PRH1: variants seen among roughly 807,000 people sequenced by gnomAD.
The protein encoded by PRH1 is proline rich protein HaeIII subfamily 1.
PRH1 carries 7 observed loss-of-function variants against 7.9 expected under a neutral mutation model. That is an observed-to-expected ratio of 0.89 (90% CI 0.50 to 1.67). PRH1 has a LOEUF of 1.67. PRH1 is among the 40% of genes most tolerant of loss of function. The probability of loss-of-function intolerance (pLI) is 0.00; values close to 1 mark genes in which losing one functional copy is unlikely to be tolerated. For missense variants in PRH1, 109 were observed against 223.6 expected, an observed-to-expected ratio of 0.49 and a Z score of 3.27; for synonymous variants, 45 against 80.8, an observed-to-expected ratio of 0.56 and a Z score of 2.38.
At chr12:10,988,154 C>A (rs1177397926) in intron 1 of PRH1, among the ~76,000 whole-genome samples, 1 of 152,066 alleles carries the variant, frequency 6.6e-6, no homozygotes, top group Non-Finnish European at 1.5e-5. Context: ...TCTCAAGTCA[C>A]CAGAGCTATC....
chr12:11,033,570 G>T lies in PRH1; in HGVS notation c.-126+13450C>A, dbSNP rs531334949. 2.9e-4 allele frequency among the ~76,000 whole-genome samples: 44 copies of T among 152,204 alleles called. 1 individual carries two copies. In the South Asian group the frequency reaches 8.9e-3, roughly 31 times the overall value. On this transcript the variant is annotated intron_variant, in intron 1 of 3. Coordinates refer to the PRH1 transcript ENST00000539853. Reference sequence around the variant, plus strand: ...TCAGGAGCCGAAAGAAAAAATAGATGGGGAATGGCAAAGGTTTGTCCTGTG... The same window carrying T: ...TCAGGAGCCGAAAGAAAAAATAGATTGGGAATGGCAAAGGTTTGTCCTGTG...
At chr12:11,052,536 T>C (rs1411339220) in intron 1 of PRH1, among the ~76,000 whole-genome samples, 1 of 151,856 alleles carries the variant, frequency 6.6e-6, no homozygotes, top group Non-Finnish European at 1.5e-5. Context: ...AGATATATGC[T>C]GGGATACATT....
At chr12:10,916,897 A>G (rs976024362) in intron 2 of PRH1, among the ~76,000 whole-genome samples, 10 of 147,072 alleles carry the variant, frequency 6.8e-5, no homozygotes, top group Non-Finnish European at 9.1e-5. Flanking sequence ...AATAAGATAA[A>G]ATAAAATAAA....
intron 1 of PRH1, among the ~76,000 whole-genome samples, chr12:11,100,352 C>A (rs1054558807): frequency 9.2e-5 from 14 of 152,104 alleles, no homozygotes; most frequent in African/African-American, 3.4e-4. Flanking sequence ...AAACCAAGGT[C>A]TAGGCATCCT....
intron 1 of PRH1, among the ~76,000 whole-genome samples, chr12:11,066,130 T>TG (rs11410593): frequency 6.6e-6 from 1 of 152,030 alleles, no homozygotes; most frequent in Non-Finnish European, 1.5e-5. Flanking sequence ...TGAAGAACTT[T>TG]AAGTCTCATG....
At chr12:10,950,616 C>G (rs761885392) in intron 2 of PRH1, among the ~76,000 whole-genome samples, 1 of 151,422 alleles carries the variant, frequency 6.6e-6, no homozygotes, top group Non-Finnish European at 1.5e-5. Flanking sequence ...GTTTCAAATT[C>G]TCTTTTGTTA....
chr12:10,912,465 G>A (rs1275062298), intron 2 of PRH1, among the ~76,000 whole-genome samples: 1 of 151,454 alleles, frequency 6.6e-6, no homozygotes, highest in Non-Finnish European at 1.5e-5. Flanking sequence ...CATATTATTT[G>A]CTTTTCTTTT....
At position 11,078,162 on chromosome 12, in the gene PRH1, T is replaced by A. The variant is rs1235278685; in HGVS notation, n.124-30974A>T. The A allele has an allele frequency of 3.9e-5, 21 of 544,332 alleles. 2 individuals are homozygous for A. Among genetic ancestry groups the A allele is most frequent in the Admixed American group, 1.6e-4 (6 of 37,850 alleles). The allele number at this position is 544,332 out of a possible 1,614,324, so 33.7% of individuals were successfully genotyped here. Reference sequence around the variant, plus strand: ...CCCAGTCAATGACATTTACTAGAGCTATGAAGCCATTGGAAAAATTTCCAA... The same window carrying A: ...CCCAGTCAATGACATTTACTAGAGCAATGAAGCCATTGGAAAAATTTCCAA... On this transcript the variant is annotated intron_variant and non_coding_transcript_variant, in intron 1 of 4. Transcript: ENST00000541977.
rs117545707 is a variant in PRH1 at position 11,137,599 on chromosome 12, T to C, written n.40-16419A>G. Among the ~76,000 whole-genome samples, 511 of 152,322 alleles carry C rather than the reference T, an allele frequency of 3.4e-3. 4 individuals carry two copies. The highest frequency in any genetic ancestry group is 5.7e-3 in the Non-Finnish European group (386 of 68,010). On this transcript the variant is annotated intron_variant and non_coding_transcript_variant, in intron 1 of 1. Transcript: ENST00000541175. Reference sequence around the variant, plus strand: ...TCCATTAAAATCTAAATTGTTTCCATAGTGATCATAGTGAAAAGAGGATTA... The same window carrying C: ...TCCATTAAAATCTAAATTGTTTCCACAGTGATCATAGTGAAAAGAGGATTA...
upstream of PRH1, among the ~76,000 whole-genome samples, chr12:10,886,857 A>G (rs1304367861): frequency 6.6e-6 from 1 of 152,128 alleles, no homozygotes; most frequent in Non-Finnish European, 1.5e-5. Flanking sequence ...AAATATGACC[A>G]CTTGCCTGAT....
At chr12:10,896,776 A>AAAAG (rs1491164999) in intron 2 of PRH1, 1 of 149,928 alleles carries the variant, frequency 6.7e-6, no homozygotes, top group Non-Finnish European at 1.5e-5. Context: ...AAAAAAAAAA[A>AAAAG]GAGAGAGAGA....
At chr12:11,064,634 G>A (rs1943737743) in intron 1 of PRH1, among the ~76,000 whole-genome samples, 1 of 151,964 alleles carries the variant, frequency 6.6e-6, no homozygotes, top group African/African-American at 2.4e-5. Context: ...TTTGCCATTT[G>A]CATGTATCTT....
At chr12:11,132,001 T>C (rs565979062) in intron 1 of PRH1, among the ~76,000 whole-genome samples, 4 of 152,334 alleles carry the variant, frequency 2.6e-5, no homozygotes, top group South Asian at 2.1e-4. Context: ...GGTTCTTACA[T>C]TGTACTGAGG....
intron 1 of PRH1, chr12:11,133,714 CAT>C (rs1414565681): frequency 6.2e-7 from 1 of 1,614,140 alleles, no homozygotes; most frequent in Non-Finnish European, 8.5e-7. Flanking sequence ...TGGTTAGAGT[CAT>C]ATTTGAATGG....
intron 1 of PRH1, among the ~76,000 whole-genome samples, chr12:11,135,324 G>A (rs1946516516): frequency 6.6e-6 from 1 of 151,996 alleles, no homozygotes; most frequent in Admixed American, 6.6e-5. Flanking sequence ...CTTCCATACT[G>A]GGTGTTCTTC....
chr12:10,902,011 C>T (rs1949731223), intron 2 of PRH1, among the ~76,000 whole-genome samples: 1 of 151,816 alleles, frequency 6.6e-6, no homozygotes, highest in South Asian at 2.1e-4. Context: ...AGCAATGGTC[C>T]CTAACCAAAA....
intron 1 of PRH1, among the ~76,000 whole-genome samples, chr12:11,037,343 G>A (rs1427471893): frequency 6.6e-6 from 1 of 152,176 alleles, no homozygotes; most frequent in Non-Finnish European, 1.5e-5. Flanking sequence ...CATACTCAAA[G>A]ATCATGCTAA....
chr12:10,927,566 G>A (rs974412780), intron 2 of PRH1, among the ~76,000 whole-genome samples: 1 of 152,178 alleles, frequency 6.6e-6, no homozygotes, highest in African/African-American at 2.4e-5. Context: ...CAGTCTGCCT[G>A]GGTCCCTTAT....
chr12:10,894,512 T>C (rs920578445), intron 2 of PRH1, among the ~76,000 whole-genome samples: 2 of 152,156 alleles, frequency 1.3e-5, no homozygotes, highest in African/African-American at 4.8e-5. Context: ...AAATTATCAA[T>C]TGATCATCAT....
Sources: gnomAD v4.1 joint callset for allele counts (sites outside exome capture counted in the v4.1 genomes callset) on GRCh38, gnomAD v4.1.1 for gene constraint, MANE v1.5 for transcripts, NCBI Gene and HGNC (gene_info 2026-07-23, HGNC 2026-07-21) for gene names.